The following PCDHGA9 variants were observed in gnomAD, a reference collection of about 807,000 sequenced individuals.
PCDHGA9 encodes the protein protocadherin gamma subfamily A, 9, also known as protocadherin gamma-A9.
Under a neutral mutation model 62.5 loss-of-function variants are expected in PCDHGA9, and 37 were observed. The observed-to-expected ratio is 0.59, with a 90% CI of 0.46 to 0.78. The LOEUF (loss-of-function observed/expected upper bound fraction) is 0.78, where lower values mean the gene tolerates loss of function less well. Ranked by LOEUF, PCDHGA9 falls within the 30% of genes least tolerant of loss-of-function variation. The pLI is 0.00. For missense variants in PCDHGA9, 1,138 were observed against 1,166.2 expected, an observed-to-expected ratio of 0.98 and a Z score of 0.35; for synonymous variants, 459 against 484.6, an observed-to-expected ratio of 0.95 and a Z score of 0.69.
At chr5:141,501,312 C>T (rs2099807672) in intron 2 of PCDHGA9, among the ~76,000 whole-genome samples, 1 of 151,778 alleles carries the variant, frequency 6.6e-6, no homozygotes, top group South Asian at 2.1e-4. Context: ...CACACACACA[C>T]ACACACACAC....
Position 141,409,086 on chromosome 5 carries a change from A to G in PCDHGA9, c.2424+3710A>G, listed in dbSNP as rs1019017199. 6.8e-6 allele frequency: 11 copies of G among 1,613,904 alleles called. No homozygotes were observed. Among genetic ancestry groups the G allele is most frequent in the African/African-American group, 5.3e-5 (4 of 74,932 alleles). On this transcript the variant is annotated intron_variant, in intron 1 of 3. Transcript: ENST00000573521. ...AGCACAAAACATATGTTCTCATTGG[A>G]TGAGAAAACAGGTATGATTAAGAAT... is the stretch of plus-strand genomic sequence containing the variant.
chr5:141,431,150 CCTTA>C lies in PCDHGA9; in HGVS notation c.2424+25778_2424+25781del, dbSNP rs1302288904. ...AGTAAGGGACATTAACGACAATGCG[CCTTA>C]CTTTCGTGAAAGTGAATTAGAAATA... On this transcript the variant is annotated intron_variant, in intron 1 of 3. Coordinates refer to ENST00000573521, the MANE Select transcript of PCDHGA9 (RefSeq NM_018921.3). The surrounding 1 kb of genome is among the most constrained non-coding windows in gnomAD (Gnocchi z 4.8). 3 of 1,614,226 alleles carry C rather than the reference CCTTA, an allele frequency of 1.9e-6. No individual in the cohort carries two copies. The highest frequency in any genetic ancestry group is 2.2e-5 in the East Asian group (1 of 44,876).
intron 1 of PCDHGA9, among the ~76,000 whole-genome samples, chr5:141,472,001 G>A (rs992798148): frequency 1.1e-4 from 17 of 152,022 alleles, no homozygotes; most frequent in East Asian, 3.9e-4. Context: ...TCCCTGCATC[G>A]TATAGGGGCA....
chr5:141,439,416 G>T (rs1169961917), intron 1 of PCDHGA9, among the ~76,000 whole-genome samples: 3 of 152,156 alleles, frequency 2.0e-5, no homozygotes, highest in African/African-American at 7.2e-5. Flanking sequence ...CATCACTGAG[G>T]TTATAAATTC....
chr5:141,506,444 CAAAAAAAAAAAAA>C (rs1219684339), intron 3 of PCDHGA9, among the ~76,000 whole-genome samples: 1 of 95,030 alleles, frequency 1.1e-5, no homozygotes, highest in Non-Finnish European at 2.2e-5. Context: ...CGCTCTGTCT[CAAAAAAAAAAAAA>C]AAAAAAAAGA....
At chr5:141,422,420 C>A in intron 1 of PCDHGA9, 2 of 1,607,576 alleles carry the variant, frequency 1.2e-6, no homozygotes, top group Non-Finnish European at 1.7e-6. Context: ...TTAGAAAAGA[C>A]TTATGGAAAT....
At chr5:141,467,491 A>T (rs2154569531) in intron 1 of PCDHGA9, among the ~76,000 whole-genome samples, 1 of 152,224 alleles carries the variant, frequency 6.6e-6, no homozygotes, top group Admixed American at 6.5e-5. Flanking sequence ...CCACATTTAG[A>T]TCCCTGATCT....
intron 3 of PCDHGA9, 89 bp downstream of exon 3, chr5:141,505,570 C>G: frequency 6.3e-7 from 1 of 1,598,162 alleles, no homozygotes; most frequent in Admixed American, 1.7e-5. Context: ...GACTGGATGT[C>G]AAACCTGTGT....
rs138608867 is a variant in PCDHGA9 at position 141,477,655 on chromosome 5, T to C, written c.2425-17152T>C. 5.0e-3 allele frequency: 8,034 copies of C among 1,614,186 alleles called. 44 individuals carry two copies. The highest frequency in any genetic ancestry group is 9.4e-3 in the Admixed American group (567 of 60,020). On this transcript the variant is annotated intron_variant, in intron 1 of 3. Coordinates refer to ENST00000573521, the MANE Select transcript of PCDHGA9 (RefSeq NM_018921.3). The surrounding 1 kb of genome is among the most constrained non-coding windows in gnomAD (Gnocchi z 4.9). ...TAGTGGGTCGCTATTTCACAATAAA[T>C]CGTGACAATGGCATAGTGTCATCCT...
intron 1 of PCDHGA9, chr5:141,413,667 G>A: frequency 6.2e-7 from 1 of 1,613,836 alleles, no homozygotes; most frequent in Non-Finnish European, 8.5e-7. Flanking sequence ...CTATTGATCC[G>A]GATGTGGGCG....
chr5:141,470,627 G>A (rs977900352), intron 1 of PCDHGA9, among the ~76,000 whole-genome samples: 3 of 152,154 alleles, frequency 2.0e-5, no homozygotes, highest in Non-Finnish European at 2.9e-5. Flanking sequence ...TGCTTAGATA[G>A]GCCCCCTTGC....
chr5:141,466,401 T>A (rs2099122186), intron 1 of PCDHGA9, among the ~76,000 whole-genome samples: 1 of 152,210 alleles, frequency 6.6e-6, no homozygotes, highest in Non-Finnish European at 1.5e-5. Flanking sequence ...TTTGCTCAAC[T>A]TTAATTTTTC....
rs769909773 is a variant in PCDHGA9 at position 141,476,732 on chromosome 5, C to T, written c.2425-18075C>T. The T allele has an allele frequency of 8.7e-6, 14 of 1,614,096 alleles. No homozygotes were observed. Among genetic ancestry groups the T allele is most frequent in the Non-Finnish European group, 1.1e-5 (13 of 1,180,030 alleles). ...GTTGGAGCGCGCCCTGGACCGAGAA[C>T]GGGAGCCTAGTCTCCAGTTAGTGCT... is the stretch of plus-strand genomic sequence containing the variant. On this transcript the variant is annotated intron_variant, in intron 1 of 3. Coordinates refer to ENST00000573521, the MANE Select transcript of PCDHGA9 (RefSeq NM_018921.3). The surrounding 1 kb of genome is among the most constrained non-coding windows in gnomAD (Gnocchi z 7.6).
intron 2 of PCDHGA9, among the ~76,000 whole-genome samples, chr5:141,498,352 CA>C: frequency 6.6e-6 from 1 of 151,890 alleles, no homozygotes; most frequent in African/African-American, 2.4e-5. Flanking sequence ...AAAGCCTATG[CA>C]AAAGCCTTGT....
At chr5:141,414,457 G>C in intron 1 of PCDHGA9, 2 of 1,613,872 alleles carry the variant, frequency 1.2e-6, no homozygotes, top group Non-Finnish European at 1.7e-6. Flanking sequence ...CACAGTGACA[G>C]CCACAGATGG....
In PCDHGA9 at chr5:141,491,443, G is replaced by C. The variant is rs955584868; in HGVS notation, c.2425-3364G>C. On this transcript the variant is annotated intron_variant, in intron 1 of 3. Transcript: ENST00000573521. This position sits in a 1 kb window ranked among gnomAD's most constrained non-coding sequence, Gnocchi z 6.9. ...TGGAGGGCAGTGCTGCAGGCGCCAG[G>C]ACTCACCCTCCCCGGACTTCTATAA... 1 of 1,613,998 alleles carries C rather than the reference G, an allele frequency of 6.2e-7. No homozygotes were observed. Among genetic ancestry groups the C allele is most frequent in the Admixed American group, 1.7e-5 (1 of 60,000 alleles).
intron 1 of PCDHGA9, chr5:141,414,538 A>C: frequency 1.2e-6 from 2 of 1,613,882 alleles, no homozygotes; most frequent in Non-Finnish European, 1.7e-6. Flanking sequence ...CAACCCACCT[A>C]CCTTCTCTCA....
chr5:141,424,692 T>C (rs910540428), intron 1 of PCDHGA9: 2 of 152,004 alleles, frequency 1.3e-5, no homozygotes, highest in African/African-American at 4.8e-5. Context: ...CTTCTGGCTA[T>C]TTTTTTGTTC....
chr5:141,509,046 C>T (rs1442220429), intron 3 of PCDHGA9, among the ~76,000 whole-genome samples: 1 of 152,160 alleles, frequency 6.6e-6, no homozygotes, highest in Non-Finnish European at 1.5e-5. Flanking sequence ...CTCTCCCCCG[C>T]CCCCAGAAAG....
Sources: allele counts gnomAD v4.1 joint callset (sites outside exome capture counted in the v4.1 genomes callset), GRCh38; gene constraint gnomAD v4.1.1; non-coding constraint Gnocchi (gnomAD v3.1); transcripts MANE v1.5; gene names NCBI Gene and HGNC (gene_info 2026-07-23, HGNC 2026-07-21).